Variants in AIG1 observed in about 807,000 individuals in gnomAD.
The protein encoded by AIG1 is androgen-induced gene 1 protein.
In AIG1, 23 loss-of-function variants were observed where a neutral mutation model predicts 31.4. The ratio of observed to expected loss-of-function variants is 0.73; its 90% confidence interval spans 0.53 to 1.04. AIG1 has a LOEUF of 1.04. Ranked by LOEUF, AIG1 falls within the 50% of genes least tolerant of loss-of-function variation. AIG1 has a pLI of 0.00. For synonymous variants in AIG1, 100 were observed against 110.5 expected (o/e 0.90, Z 0.60); for missense variants, 274 against 295.0 (o/e 0.93, Z 0.52).
chr6:143,203,800 G>T (rs573169498), intron 3 of AIG1, among the ~76,000 whole-genome samples: 1 of 152,304 alleles, frequency 6.6e-6, no homozygotes, highest in African/African-American at 2.4e-5. Flanking sequence ...TTATGAAGAA[G>T]AATTCGACAG....
chr6:143,302,215 T>C (rs1036888828), intron 4 of AIG1, among the ~76,000 whole-genome samples: 1 of 151,956 alleles, frequency 6.6e-6, no homozygotes, highest in East Asian at 1.9e-4. Context: ...TCTTTCTTTT[T>C]TTTAATTTAA....
intron 1 of AIG1, among the ~76,000 whole-genome samples, chr6:143,128,596 A>G (rs998111901): frequency 1.3e-5 from 2 of 152,218 alleles, no homozygotes; most frequent in Non-Finnish European, 2.9e-5. Context: ...GAATGGCTGG[A>G]GTCGAATAAT....
At chr6:143,301,805 A>G (rs1798844076) in intron 4 of AIG1, among the ~76,000 whole-genome samples, 1 of 152,218 alleles carries the variant, frequency 6.6e-6, no homozygotes, top group Admixed American at 6.5e-5. Context: ...GCCAAACCAT[A>G]TCAGACAGTA....
intron 3 of AIG1, among the ~76,000 whole-genome samples, chr6:143,246,529 A>G (rs1794637056): frequency 6.6e-6 from 1 of 152,178 alleles, no homozygotes; most frequent in East Asian, 1.9e-4. Flanking sequence ...AACACATGGC[A>G]ATTTAAGATG....
intron 3 of AIG1, among the ~76,000 whole-genome samples, chr6:143,265,152 A>G (rs776957188): frequency 1.3e-4 from 20 of 152,160 alleles, no homozygotes; most frequent in Admixed American, 5.9e-4. Flanking sequence ...TTCCTCCTGC[A>G]AAGGAAGATG....
intron 4 of AIG1, among the ~76,000 whole-genome samples, chr6:143,307,395 G>A (rs1249388700): frequency 6.6e-6 from 1 of 152,198 alleles, no homozygotes; most frequent in African/African-American, 2.4e-5. Flanking sequence ...TGTCCTTTCT[G>A]TTTGTTAGTT....
chr6:143,241,104 C>T (rs539008731), intron 3 of AIG1, among the ~76,000 whole-genome samples: 3 of 151,720 alleles, frequency 2.0e-5, no homozygotes, highest in Admixed American at 2.0e-4. Context: ...AAAAAAAAAT[C>T]AACAACAACA....
At chr6:143,070,438 G>A in intron 1 of AIG1, among the ~76,000 whole-genome samples, 1 of 151,914 alleles carries the variant, frequency 6.6e-6, no homozygotes. Context: ...TATTGTGAAT[G>A]GTATTTTTAA....
intron 1 of AIG1, among the ~76,000 whole-genome samples, chr6:143,116,009 G>T (rs1781701613): frequency 6.6e-6 from 1 of 152,222 alleles, no homozygotes; most frequent in African/African-American, 2.4e-5. Context: ...TGAATCAAGA[G>T]TTGGTGATAC....
intron 2 of AIG1, among the ~76,000 whole-genome samples, chr6:143,162,958 A>T (rs140856999): frequency 6.6e-6 from 1 of 152,284 alleles, no homozygotes; most frequent in African/African-American, 2.4e-5. Context: ...ATGGGAAGGG[A>T]GGAGGCTCAA....
chr6:143,087,072 T>A lies in AIG1; in HGVS notation c.141+26006T>A, dbSNP rs111320180. On this transcript the variant is annotated intron_variant, in intron 1 of 5. Transcript: ENST00000357847. ...ACCTGAGTCTTAAGTCAGGCAGCCA[T>A]GCTCATTGTTTTTAACTGGCCAACA... Among the ~76,000 whole-genome samples the A allele has an allele frequency of 9.6e-3, 1,456 of 152,308 alleles. 16 individuals are homozygous for A. The highest frequency in any genetic ancestry group is 0.026 in the African/African-American group (1,100 of 41,560).
At chr6:143,295,932 A>G (rs1228259236) in intron 4 of AIG1, among the ~76,000 whole-genome samples, 1 of 152,154 alleles carries the variant, frequency 6.6e-6, no homozygotes, top group East Asian at 1.9e-4. Flanking sequence ...ATCCAAGCAC[A>G]TTTTCTTTAG....
At chr6:143,110,198 C>T (rs1452761159) in intron 1 of AIG1, among the ~76,000 whole-genome samples, 1 of 152,192 alleles carries the variant, frequency 6.6e-6, no homozygotes, top group East Asian at 1.9e-4. Context: ...CCTATCCTTG[C>T]ACTGATACCA....
chr6:143,219,050 G>A (rs1583541106), intron 3 of AIG1, among the ~76,000 whole-genome samples: 2 of 152,224 alleles, frequency 1.3e-5, no homozygotes, highest in Admixed American at 1.3e-4. Context: ...TTAAATAGAA[G>A]AGTTACTTTC....
intron 3 of AIG1, among the ~76,000 whole-genome samples, chr6:143,231,295 G>T (rs1793420973): frequency 6.6e-6 from 1 of 152,190 alleles, no homozygotes; most frequent in Non-Finnish European, 1.5e-5. Context: ...AGTACCTAAT[G>T]CCGAAATAGT....
Position 143,298,118 on chromosome 6 carries a change from T to C in AIG1, c.515+13893T>C, listed in dbSNP as rs1478148425. 6.6e-6 allele frequency among the ~76,000 whole-genome samples: 1 copy of C among 151,552 alleles called. No homozygotes were observed. Among genetic ancestry groups the C allele is most frequent in the Non-Finnish European group, 1.5e-5 (1 of 67,932 alleles). On this transcript the variant is annotated intron_variant, in intron 4 of 5. Coordinates refer to ENST00000357847, the MANE Select transcript of AIG1 (RefSeq NM_016108.4). The surrounding 1 kb of genome is among the most constrained non-coding windows in gnomAD (Gnocchi z 5.1). ...GAAAATGGAGTCCTAGAGCCTGGGT[T>C]ATGTACGTTTTCTACCTCTGCTGGA...
intron 1 of AIG1, among the ~76,000 whole-genome samples, chr6:143,067,096 T>C (rs1289785596): frequency 6.6e-6 from 1 of 151,878 alleles, no homozygotes; most frequent in Non-Finnish European, 1.5e-5. Flanking sequence ...AGCCCAGGAG[T>C]TCGAGTTTGC....
chr6:143,274,300 T>C (rs1185189693), intron 3 of AIG1, among the ~76,000 whole-genome samples: 1 of 152,210 alleles, frequency 6.6e-6, no homozygotes, highest in African/African-American at 2.4e-5. Flanking sequence ...ACTCACCACC[T>C]TCCAGTTGGA....
intron 3 of AIG1, among the ~76,000 whole-genome samples, chr6:143,238,220 CG>C (rs1793961172): frequency 1.3e-5 from 2 of 152,180 alleles, no homozygotes; most frequent in Non-Finnish European, 2.9e-5. Flanking sequence ...GGATTACAGG[CG>C]TGAGCCACCG....
Sources: allele counts gnomAD v4.1 joint callset (sites outside exome capture counted in the v4.1 genomes callset), GRCh38; gene constraint gnomAD v4.1.1; non-coding constraint Gnocchi (gnomAD v3.1); transcripts MANE v1.5; gene names NCBI Gene and HGNC (gene_info 2026-07-23, HGNC 2026-07-21).